Variants in ZZEF1 observed in about 807,000 individuals in gnomAD.
ZZEF1 encodes the protein zinc finger ZZ-type and EF-hand domain-containing protein 1.
Under a neutral mutation model 342.8 loss-of-function variants are expected in ZZEF1, and 157 were observed. The ratio of observed to expected loss-of-function variants is 0.46; its 90% CI spans 0.40 to 0.52. The LOEUF (loss-of-function observed/expected upper bound fraction) is 0.52. Ranked by LOEUF, ZZEF1 falls within the 20% of genes least tolerant of loss-of-function variation. The probability of loss-of-function intolerance (pLI) is 0.00; values close to 1 mark genes in which losing one functional copy is unlikely to be tolerated. For synonymous variants in ZZEF1, 1,505 were observed against 1,429.1 expected, an observed-to-expected ratio of 1.05 and a Z score of -1.20; for missense variants, 3,480 against 3,725.6, an observed-to-expected ratio of 0.93 and a Z score of 1.72.
At chr17:4,021,355 C>T (rs1230388324) in intron 44 of ZZEF1, 35 bp from the exon 45 acceptor site, 4 of 1,550,802 alleles carry the variant, frequency 2.6e-6, no homozygotes, top group Non-Finnish European at 3.5e-6. Context: ...AATGTGAGCA[C>T]TCAGTGGGCG....
intron 36 of ZZEF1, 90 bp from the exon 37 acceptor site, chr17:4,049,949 G>T: frequency 6.9e-7 from 1 of 1,453,990 alleles, no homozygotes. Flanking sequence ...CCATTATATA[G>T]AAATAAATAA....
At chr17:4,136,080 G>A (rs1191525362) in intron 1 of ZZEF1, among the ~76,000 whole-genome samples, 11 of 139,922 alleles carry the variant, frequency 7.9e-5, no homozygotes, top group Non-Finnish European at 1.4e-4. Flanking sequence ...GCAACCTGTC[G>A]CCCAGGTTCA....
Position 4,035,631 on chromosome 17 carries a change from T to C in ZZEF1, c.6307-1339A>G, listed in dbSNP as rs576756475. ...GCAAAAACGCAGAAGAGCAGCCTGA[T>C]GTGAGTGTCCGAACCTAAGTGGAGA... On this transcript the variant is annotated intron_variant, in intron 39 of 54. Coordinates refer to ENST00000381638, the MANE Select transcript of ZZEF1 (RefSeq NM_015113.4). 2.0e-3 allele frequency among the ~76,000 whole-genome samples: 304 copies of C among 152,316 alleles called. 1 individual carries two copies. Among genetic ancestry groups the C allele is most frequent in the Non-Finnish European group, 3.5e-3 (241 of 68,022 alleles).
In ZZEF1 at chr17:4,077,974, G is replaced by A. The variant is rs777504846; in HGVS notation, c.2898C>T (p.Ser966=). Residue 966 remains serine, a synonymous_variant, in exon 19 of 55, where the codon TCC becomes TCT. Coordinates refer to ENST00000381638, the MANE Select transcript of ZZEF1 (RefSeq NM_015113.4). Reference sequence around the variant, plus strand: ...ACCAGGATAGCAGGCTGCCTTGGACGGACCAGAACAGGGAGAAGAGCACAG... The same window carrying A: ...ACCAGGATAGCAGGCTGCCTTGGACAGACCAGAACAGGGAGAAGAGCACAG... ...VGSVLFSLFW[S]VQGSLLSWCY... 1.6e-5 allele frequency: 26 copies of A among 1,614,000 alleles called. No individual in the cohort carries two copies. The highest frequency in any genetic ancestry group is 7.7e-5 in the South Asian group (7 of 91,080).
chr17:4,137,436 C>T (rs2058768892), intron 1 of ZZEF1, among the ~76,000 whole-genome samples: 1 of 152,022 alleles, frequency 6.6e-6, no homozygotes, highest in African/African-American at 2.4e-5. Flanking sequence ...CGGTGAAACC[C>T]CGTCTCTTAC....
At chr17:4,064,866 A>C (rs763449542) in intron 28 of ZZEF1, 37 bp from the exon 29 acceptor site, 1 of 1,495,916 alleles carries the variant, frequency 6.7e-7, no homozygotes, top group Non-Finnish European at 9.0e-7. Flanking sequence ...AAAAAAAAAA[A>C]AGTTAAAATT....
At chr17:4,041,363 C>G (rs1056547879) in intron 39 of ZZEF1, among the ~76,000 whole-genome samples, 5 of 152,042 alleles carry the variant, frequency 3.3e-5, no homozygotes, top group Non-Finnish European at 5.9e-5. Flanking sequence ...GCCTCAACTC[C>G]CACGTAGAAG....
chr17:4,049,543 G>A lies in ZZEF1; in HGVS notation c.6015+165C>T, dbSNP rs145011577. Among the ~76,000 whole-genome samples the A allele has an allele frequency of 2.2e-3, 334 of 152,206 alleles. 1 individual carries two copies. Among genetic ancestry groups the A allele is most frequent in the Admixed American group, 3.9e-3 (60 of 15,290 alleles). The stretch of plus-strand genomic sequence containing the variant: ...AACAAAAGAAAATAAAACAAACACT[G>A]AAGAGATGATAACAACATGCCCAAG... On this transcript the variant is annotated intron_variant, in intron 37 of 54. Transcript: ENST00000381638.
intron 42 of ZZEF1, among the ~76,000 whole-genome samples, chr17:4,027,286 CTTTTTTTTTT>C (rs1179743466): frequency 0.012 from 827 of 68,004 alleles, 40 homozygotes; most frequent in African/African-American, 0.052. Flanking sequence ...CAATATCTCA[CTTTTTTTTTT>C]TTTTTTTTTT....
chr17:4,082,570 G>T, intron 16 of ZZEF1, 66 bp from the exon 17 acceptor site: 5 of 1,487,372 alleles, frequency 3.4e-6, no homozygotes, highest in South Asian at 1.2e-5. Flanking sequence ...GACCTAGAGC[G>T]GCAATGAAAC....
At chr17:4,100,243 G>A (rs2058104765) in intron 9 of ZZEF1, among the ~76,000 whole-genome samples, 1 of 152,108 alleles carries the variant, frequency 6.6e-6, no homozygotes, top group African/African-American at 2.4e-5. Flanking sequence ...CTCTTGTCTT[G>A]TCCCTTAAGG....
intron 8 of ZZEF1, among the ~76,000 whole-genome samples, chr17:4,102,997 T>C (rs754169925): frequency 3.2e-4 from 49 of 152,256 alleles, no homozygotes; most frequent in Non-Finnish European, 5.9e-4. Context: ...ACCTATGATA[T>C]GACCTAGAAC....
At chr17:4,107,669 A>G (rs546472788) in intron 6 of ZZEF1, among the ~76,000 whole-genome samples, 7 of 152,352 alleles carry the variant, frequency 4.6e-5, no homozygotes, top group African/African-American at 1.7e-4. Flanking sequence ...CACTGGTTAC[A>G]TAGAGGCGAA....
intron 9 of ZZEF1, among the ~76,000 whole-genome samples, chr17:4,100,756 AC>A (rs1268772449): frequency 6.6e-6 from 1 of 152,082 alleles, no homozygotes; most frequent in Non-Finnish European, 1.5e-5. Flanking sequence ...AATGGCTTGA[AC>A]CCGGGAGGAG....
chr17:4,072,278 T>C (rs1297679251), intron 25 of ZZEF1, among the ~76,000 whole-genome samples: 1 of 152,214 alleles, frequency 6.6e-6, no homozygotes, highest in Non-Finnish European at 1.5e-5. Flanking sequence ...GAACAAAAGG[T>C]ATAGCACAAA....
Position 4,017,796 on chromosome 17 carries a change from T to C in ZZEF1, c.7641+40A>G. The C allele has an allele frequency of 6.2e-7, 1 of 1,613,808 alleles. No homozygotes were observed. Among genetic ancestry groups the C allele is most frequent in the South Asian group, 1.1e-5 (1 of 91,062 alleles). The stretch of plus-strand genomic sequence containing the variant: ...TACAGTGGTGGTATGGGGTGGGGGA[T>C]GGGGTGCAGATACTTTGGGTCCGAG... On this transcript the variant is annotated intron_variant, in intron 47 of 54. Coordinates refer to ENST00000381638, the MANE Select transcript of ZZEF1 (RefSeq NM_015113.4). This position sits in a 1 kb window ranked among gnomAD's most constrained non-coding sequence, Gnocchi z 5.1.
At chr17:4,107,091 C>T (rs1202924552) in intron 6 of ZZEF1, among the ~76,000 whole-genome samples, 1 of 152,200 alleles carries the variant, frequency 6.6e-6, no homozygotes, top group African/African-American at 2.4e-5. Context: ...TTTATTTCCA[C>T]TGATACAGGC....
At chr17:4,141,844 C>T (rs1013381884) in intron 1 of ZZEF1, among the ~76,000 whole-genome samples, 2 of 152,110 alleles carry the variant, frequency 1.3e-5, no homozygotes, top group Non-Finnish European at 2.9e-5. Flanking sequence ...AAAATGCCTT[C>T]CAAGGAAAAT....
chr17:4,074,303 C>CA lies in ZZEF1; in HGVS notation c.3531dup (p.Asp1178Ter). The CA allele has an allele frequency of 6.2e-7, 1 of 1,614,130 alleles. No homozygotes were observed. Among genetic ancestry groups the CA allele is most frequent in the South Asian group, 1.1e-5 (1 of 91,072 alleles). ...TAGCCCCATTCGTTGTGACTGCTGT[C>CA]AGAGTGAAAGAGGAACTGCAACCGA... On this transcript the variant is annotated frameshift_variant, in exon 24 of 55. Coordinates refer to ENST00000381638, the MANE Select transcript of ZZEF1 (RefSeq NM_015113.4). LOFTEE classifies it high-confidence loss of function.
Sources: allele counts gnomAD v4.1 joint callset (sites outside exome capture counted in the v4.1 genomes callset), GRCh38; gene constraint gnomAD v4.1.1; non-coding constraint Gnocchi (gnomAD v3.1); transcripts MANE v1.5; gene names NCBI Gene and HGNC (gene_info 2026-07-23, HGNC 2026-07-21).